Variants in THBS1 observed in about 807,000 individuals in gnomAD.
THBS1 encodes thrombospondin 1.
Under a neutral mutation model 126.1 loss-of-function variants are expected in THBS1, and 29 were observed. That is an observed-to-expected ratio of 0.23 (90% CI 0.17 to 0.31). The LOEUF is 0.31. THBS1 is among the 10% of genes least tolerant of loss of function. The pLI is 1.00. For missense variants in THBS1, 1,198 were observed against 1,545.2 expected, an observed-to-expected ratio of 0.78 and a Z score of 3.77; for synonymous variants, 496 against 577.8, an observed-to-expected ratio of 0.86 and a Z score of 2.03.
intron 21 of THBS1, among the ~76,000 whole-genome samples, 168 bp from the exon 22 acceptor site, chr15:39,595,194 G>A (rs1485289676): frequency 6.6e-6 from 1 of 152,220 alleles, no homozygotes; most frequent in African/African-American, 2.4e-5. Flanking sequence ...TAGCATCAAT[G>A]TCAGCTAATA....
chr15:39,584,253 A>G (rs757862324), intron 5 of THBS1, 47 bp from the exon 6 acceptor site: 15 of 1,614,180 alleles, frequency 9.3e-6, no homozygotes, highest in Admixed American at 1.7e-5. Context: ...ATGGTCCCAA[A>G]TGACTGAAAA....
rs535746819 is a variant in THBS1 at position 39,585,478 on chromosome 15, T to C, written c.1035T>C (p.Val345=). 1.2e-5 allele frequency: 19 copies of C among 1,614,170 alleles called. No individual in the cohort carries two copies. The African/African-American group carries it at 2.4e-4, about 20-fold the overall frequency. The part of the protein sequence containing the change: ...SCTECHCQNS[V]TICKKVSCPI... ...ACTCTCTTGCCCTGCAGAACTCAGTTACCATCTGCAAAAAGGTGTCCTGCC... is the reference window on the plus strand; with the variant it reads ...ACTCTCTTGCCCTGCAGAACTCAGTCACCATCTGCAAAAAGGTGTCCTGCC... Residue 345 remains valine (V), a synonymous_variant, in exon 7 of 22, where the codon GTT becomes GTC. Transcript: ENST00000260356.
At chr15:39,581,964 G>A (rs1890116285) in intron 2 of THBS1, 40 bp downstream of exon 2, 1 of 1,608,000 alleles carries the variant, frequency 6.2e-7, no homozygotes, top group Non-Finnish European at 8.5e-7. Context: ...GAGGGACAAG[G>A]AAGAGGTGCT....
chr15:39,584,040 T>G lies in THBS1; in HGVS notation c.756T>G (p.Pro252=), dbSNP rs955881267. The G allele has an allele frequency of 2.5e-6, 4 of 1,614,232 alleles. No homozygotes were observed. The highest frequency in any genetic ancestry group is 3.4e-6 in the Non-Finnish European group (4 of 1,180,050). The change falls in exon 5 of 22, where the codon CCT becomes CCG. Residue 252 remains proline, a synonymous_variant. Transcript: ENST00000260356. ...ACAACGTGGTGAATGGTTCCAGCCC[T>G]GCCATCCGCACTAACTACATTGGCC... is the stretch of plus-strand genomic sequence containing the variant. The part of the protein sequence containing the change: ...LDNNVVNGSS[P]AIRTNYIGHK...
In THBS1 at chr15:39,588,672, A is replaced by T. The variant is rs774533472; in HGVS notation, c.1618A>T (p.Ile540Phe). The change falls in exon 10 of 22, where the codon ATC becomes TTC. Residue 540 changes from isoleucine to phenylalanine, a missense_variant. Coordinates refer to ENST00000260356, the MANE Select transcript of THBS1 (RefSeq NM_003246.4). ...CGTTGGTGATGTAACAGAAAACCAG[A>T]TCTGCAACAAGCAGGACTGTCCAAT... Reference protein sequence around the residue: ...DCVGDVTENQICNKQDCPIDG... With the variant: ...DCVGDVTENQFCNKQDCPIDG... 2 of 1,596,606 alleles carry T rather than the reference A, an allele frequency of 1.3e-6. No individual in the cohort carries two copies. The highest frequency in any genetic ancestry group is 2.7e-5 in the African/African-American group (2 of 74,014).
At position 39,593,294 on chromosome 15, in the gene THBS1, G is replaced by C; in HGVS notation, c.2995+67G>C. On this transcript the variant is annotated intron_variant, in intron 18 of 21. Coordinates refer to ENST00000260356, the MANE Select transcript of THBS1 (RefSeq NM_003246.4). The surrounding 1 kb of genome is among the most constrained non-coding windows in gnomAD (Gnocchi z 5.9). ...ATGGGGAAAAACAAATATAAAACCT[G>C]GCAGTTGTACCTATCCCTGTGGGTG... The C allele has an allele frequency of 6.2e-7, 1 of 1,610,836 alleles. No homozygotes were observed. The highest frequency in any genetic ancestry group is 1.1e-5 in the South Asian group (1 of 90,958).
chr15:39,587,940 A>G lies in THBS1; in HGVS notation c.1295-102A>G, dbSNP rs1595509220. ...CTACCGTACACTGGGTTTAGTTGCCATTGACCATTTCCTGGAAATACTTCT... is the reference window on the plus strand; with the variant it reads ...CTACCGTACACTGGGTTTAGTTGCCGTTGACCATTTCCTGGAAATACTTCT... On this transcript the variant is annotated intron_variant, in intron 8 of 21. Coordinates refer to ENST00000260356, the MANE Select transcript of THBS1 (RefSeq NM_003246.4). 5.0e-6 allele frequency: 6 copies of G among 1,206,486 alleles called. No homozygotes were observed. The East Asian group carries it at 1.4e-4, about 28-fold the overall frequency. The allele number at this position is 1,206,486 out of a possible 1,614,324, so 74.7% of individuals were successfully genotyped here. A position where few individuals can be genotyped will look rare whatever the true frequency, so the allele number is the denominator to read the frequency against.
rs376193323 is a variant in THBS1 at position 39,595,334 on chromosome 15, T to C, written c.3506-28T>C. The C allele has an allele frequency of 1.8e-4, 237 of 1,350,278 alleles. 2 individuals are homozygous for C. In the African/African-American group the frequency reaches 2.8e-3, roughly 16 times the overall value. The allele number at this position is 1,350,278 out of a possible 1,614,324, so 83.6% of individuals were successfully genotyped here. On this transcript the variant is annotated intron_variant, in intron 21 of 21. Coordinates refer to ENST00000260356, the MANE Select transcript of THBS1 (RefSeq NM_003246.4). The stretch of plus-strand genomic sequence containing the variant: ...TTTTATGAATTAGTTTTCATTTGTA[T>C]ATTTATTTATATTTGTTTATTTAAC...
chr15:39,594,124 G>A lies in THBS1; in HGVS notation c.3293G>A (p.Arg1098His), dbSNP rs780442980. 8 of 1,613,786 alleles carry A rather than the reference G, an allele frequency of 5.0e-6. No homozygotes were observed. Among genetic ancestry groups the A allele is most frequent in the African/African-American group, 2.7e-5 (2 of 74,850 alleles). The part of the protein sequence containing the change: ...GQVRTLWHDP[R>H]HIGWKDFTAY... ...GTGCGCACCCTGTGGCATGACCCTC[G>A]TCACATAGGCTGGAAAGATTTCACC... Residue 1098 changes from arginine to histidine, a missense_variant, in exon 20 of 22, where the codon CGT (arginine) becomes CAT (histidine). By Grantham distance (29) the Arg-to-His change is conservative (BLOSUM62 0). Transcript: ENST00000260356. The surrounding 1 kb of genome is among the most constrained non-coding windows in gnomAD (Gnocchi z 4.4).
At chr15:39,588,770 C>T (rs1195386544) in intron 10 of THBS1, 71 bp downstream of exon 10, 7 of 1,553,772 alleles carry the variant, frequency 4.5e-6, no homozygotes, top group Non-Finnish European at 6.1e-6. Context: ...AGTCAGCATT[C>T]GAGGAGATTC....
chr15:39,590,793 C>A lies in THBS1; in HGVS notation c.2253+170C>A, dbSNP rs532312748. ...AGTAGTTTAAGGATGTAGATGTTGCCAAGAGAATTTTTAAATGAGGGTTTT... is the reference window on the plus strand; with the variant it reads ...AGTAGTTTAAGGATGTAGATGTTGCAAAGAGAATTTTTAAATGAGGGTTTT... On this transcript the variant is annotated intron_variant, in intron 14 of 21. Coordinates refer to ENST00000260356, the MANE Select transcript of THBS1 (RefSeq NM_003246.4). 3 of 610,590 alleles carry A rather than the reference C, an allele frequency of 4.9e-6. No individual in the cohort carries two copies. The South Asian group carries it at 6.3e-5, about 13-fold the overall frequency. 37.8% of individuals were successfully genotyped at this position (610,590 alleles called of 1,614,324 possible).
chr15:39,587,287 C>T, intron 7 of THBS1, 60 bp from the exon 8 acceptor site: 1 of 1,547,682 alleles, frequency 6.5e-7, no homozygotes, highest in Non-Finnish European at 8.8e-7. Flanking sequence ...GAACAGAGCC[C>T]TCTAAAGAAC....
In THBS1 at chr15:39,592,804, TGAGTCATGG is replaced by T. The variant is rs1431586809; in HGVS notation, c.2767+6_2767+14del. 1 of 1,610,904 alleles carries T rather than the reference TGAGTCATGG, an allele frequency of 6.2e-7. No individual in the cohort carries two copies. The highest frequency in any genetic ancestry group is 1.3e-5 in the African/African-American group (1 of 74,846). The stretch of plus-strand genomic sequence containing the variant: ...ATCCCGACCAGAAGGACTCTGACGG[TGAGTCATGG>T]GAGCCACTTTCTAAGACAGGGACTG... On this transcript the variant is annotated splice_donor_5th_base_variant and intron_variant, in intron 17 of 21. Transcript: ENST00000260356. The surrounding 1 kb of genome is among the most constrained non-coding windows in gnomAD (Gnocchi z 4.3).
chr15:39,594,502 T>C lies in THBS1; in HGVS notation c.3505+62T>C. The C allele has an allele frequency of 6.3e-7, 1 of 1,585,180 alleles. No individual in the cohort carries two copies. Among genetic ancestry groups the C allele is most frequent in the Non-Finnish European group, 8.6e-7 (1 of 1,166,990 alleles). On this transcript the variant is annotated intron_variant, in intron 21 of 21. Transcript: ENST00000260356. This position sits in a 1 kb window ranked among gnomAD's most constrained non-coding sequence, Gnocchi z 4.4. ...CTCTATTTCAGACTAATATCAAGGA[T>C]GACGGTTATGGGGGAGTCCAGTGTA...
In THBS1 at chr15:39,590,630, A is replaced by G; in HGVS notation, c.2253+7A>G. 6.2e-7 allele frequency: 1 copy of G among 1,611,372 alleles called. No homozygotes were observed. ...TAAAATTCCAGATGACAGGGTAAAA[A>G]CAGTTTTCTATCCCTTTTTCATCTT... On this transcript the variant is annotated splice_region_variant and intron_variant, in intron 14 of 21. Coordinates refer to ENST00000260356, the MANE Select transcript of THBS1 (RefSeq NM_003246.4).
Position 39,594,316 on chromosome 15 carries a change from A to C in THBS1, c.3381A>C (p.Glu1127Asp). 6.2e-7 allele frequency: 1 copy of C among 1,614,216 alleles called. No homozygotes were observed. Among genetic ancestry groups the C allele is most frequent in the Non-Finnish European group, 8.5e-7 (1 of 1,180,032 alleles). Residue 1127 changes from glutamate (E) to aspartate (D), a missense_variant, in exon 21 of 22, where the codon GAA becomes GAC. Transcript: ENST00000260356. The surrounding 1 kb of genome is among the most constrained non-coding windows in gnomAD (Gnocchi z 4.4). The stretch of plus-strand genomic sequence containing the variant: ...TTCCCTGCAGAGTGGTGATGTATGA[A>C]GGGAAGAAAATCATGGCTGACTCAG... ...KTGFIRVVMYEGKKIMADSGP... is the reference protein window; with the variant it reads ...KTGFIRVVMYDGKKIMADSGP...
intron 3 of THBS1, 47 bp from the exon 4 acceptor site, chr15:39,583,570 C>A: frequency 1.4e-6 from 2 of 1,415,516 alleles, no homozygotes; most frequent in South Asian, 2.4e-5. Flanking sequence ...AACCCCATCC[C>A]CACCCCGCTC....
At chr15:39,587,041 T>C in intron 7 of THBS1, 1 of 211,650 alleles carries the variant, frequency 4.7e-6, no homozygotes, top group Non-Finnish European at 9.5e-6. Flanking sequence ...TTAATAATAC[T>C]GGATTGTATG....
chr15:39,594,286 T>A lies in THBS1; in HGVS notation c.3366-15T>A. 6.2e-7 allele frequency: 1 copy of A among 1,613,950 alleles called. No individual in the cohort carries two copies. The highest frequency in any genetic ancestry group is 8.5e-7 in the Non-Finnish European group (1 of 1,179,968). On this transcript the variant is annotated splice_polypyrimidine_tract_variant and intron_variant, in intron 20 of 21. Coordinates refer to ENST00000260356, the MANE Select transcript of THBS1 (RefSeq NM_003246.4). The surrounding 1 kb of genome is among the most constrained non-coding windows in gnomAD (Gnocchi z 4.4). ...AAATAGCATTGTCACTAAACAAGATTTTTTTTCCCTGCAGAGTGGTGATGT... is the reference window on the plus strand; with the variant it reads ...AAATAGCATTGTCACTAAACAAGATATTTTTTCCCTGCAGAGTGGTGATGT...
Sources: allele counts gnomAD v4.1 joint callset (sites outside exome capture counted in the v4.1 genomes callset), GRCh38; gene constraint gnomAD v4.1.1; non-coding constraint Gnocchi (gnomAD v3.1); transcripts MANE v1.5; gene names NCBI Gene and HGNC (gene_info 2026-07-23, HGNC 2026-07-21).